Variants in NEK11 observed in about 807,000 individuals in gnomAD.
NEK11 encodes NIMA related kinase 11.
NEK11 carries 72 observed loss-of-function variants against 80.7 expected under a neutral mutation model. The ratio of observed to expected loss-of-function variants is 0.89; its 90% CI spans 0.74 to 1.08. The LOEUF (loss-of-function observed/expected upper bound fraction) is 1.08, where lower values mean the gene tolerates loss of function less well. Among genes scored for constraint, NEK11 ranks in the 50% least tolerant of loss-of-function variants. The pLI, the probability that NEK11 is intolerant of heterozygous loss-of-function variation, is 0.00. For synonymous variants in NEK11, 251 were observed against 260.7 expected (o/e 0.96, Z 0.36); for missense variants, 764 against 763.6 (o/e 1.00, Z -0.01).
chr3:131,060,021 G>A (rs75244933), intron 3 of NEK11, among the ~76,000 whole-genome samples: 2,011 of 152,310 alleles, frequency 0.013, 39 homozygotes, highest in African/African-American at 0.045. Flanking sequence ...AGTGATAGCA[G>A]AGCATTAATC....
intron 6 of NEK11, among the ~76,000 whole-genome samples, 171 bp downstream of exon 6, chr3:131,132,980 G>A (rs2084805959): frequency 1.3e-5 from 2 of 151,852 alleles, no homozygotes; most frequent in African/African-American, 4.8e-5. Context: ...AAATTTCTCA[G>A]GTTTCTAGAT....
At chr3:131,171,495 G>A (rs949048123) in intron 14 of NEK11, among the ~76,000 whole-genome samples, 1 of 152,142 alleles carries the variant, frequency 6.6e-6, no homozygotes. Context: ...ACATGCAAAT[G>A]GAGTAGGTAC....
chr3:131,155,189 T>TCTATTAGC, intron 10 of NEK11, 68 bp downstream of exon 10: 1 of 1,032,346 alleles, frequency 9.7e-7, no homozygotes. Flanking sequence ...TCTTTAAAAA[T>TCTATTAGC]CTATTAGCAC....
intron 14 of NEK11, chr3:131,174,700 C>T: frequency 6.6e-7 from 1 of 1,513,472 alleles, no homozygotes; most frequent in East Asian, 2.3e-5. Flanking sequence ...CTAATGATAT[C>T]TTGCACATTA....
chr3:131,262,165 A>C lies in NEK11; in HGVS notation c.1622-11313A>C, dbSNP rs535569605. Among the ~76,000 whole-genome samples the C allele has an allele frequency of 1.6e-4, 25 of 152,338 alleles. 1 individual carries two copies. In the South Asian group the frequency reaches 4.6e-3, roughly 28 times the overall value. The stretch of plus-strand genomic sequence containing the variant: ...ACTACGAACAACAGTATACCAACAA[A>C]TCAGATAAATTAGATGAAATGGACA... On this transcript the variant is annotated intron_variant, in intron 16 of 17. Coordinates refer to ENST00000383366, the MANE Select transcript of NEK11 (RefSeq NM_024800.5).
At chr3:131,138,194 G>T (rs570364070) in intron 7 of NEK11, among the ~76,000 whole-genome samples, 1 of 152,306 alleles carries the variant, frequency 6.6e-6, no homozygotes, top group African/African-American at 2.4e-5. Context: ...TGAGGGGTGA[G>T]TTCCAGGCCT....
chr3:131,070,630 G>T (rs1281992343), intron 3 of NEK11, among the ~76,000 whole-genome samples: 3 of 152,048 alleles, frequency 2.0e-5, no homozygotes, highest in Admixed American at 1.3e-4. Context: ...AGTTGTTTTT[G>T]TTTTTTTCTT....
chr3:131,056,240 C>T (rs55957778), intron 3 of NEK11, among the ~76,000 whole-genome samples: 26,386 of 152,012 alleles, frequency 0.17, 2,372 homozygotes, highest in Non-Finnish European at 0.2. Context: ...AATGAATGGG[C>T]GCTATGGAAT....
chr3:131,182,186 A>G (rs1365184956), intron 14 of NEK11, among the ~76,000 whole-genome samples: 2 of 151,828 alleles, frequency 1.3e-5, no homozygotes, highest in Admixed American at 6.6e-5. Flanking sequence ...GCAAGTAACT[A>G]TGGCAGCAAA....
At chr3:131,102,805 T>C (rs2078597460) in intron 4 of NEK11, among the ~76,000 whole-genome samples, 1 of 152,198 alleles carries the variant, frequency 6.6e-6, no homozygotes, top group African/African-American at 2.4e-5. Flanking sequence ...AGGAATACCA[T>C]TGAGTCATAG....
intron 14 of NEK11, among the ~76,000 whole-genome samples, chr3:131,180,682 G>A (rs922942755): frequency 6.6e-6 from 1 of 152,110 alleles, no homozygotes; most frequent in African/African-American, 2.4e-5. Context: ...GTACTTTACA[G>A]AATCAAAGAC....
intron 3 of NEK11, among the ~76,000 whole-genome samples, chr3:131,046,088 A>G (rs1475950941): frequency 6.6e-6 from 1 of 152,152 alleles, no homozygotes; most frequent in Admixed American, 6.6e-5. Flanking sequence ...TAAGTGGAGC[A>G]TTTATGTTAT....
intron 17 of NEK11, among the ~76,000 whole-genome samples, chr3:131,334,059 T>C (rs1304131141): frequency 5.3e-5 from 8 of 152,008 alleles, no homozygotes; most frequent in African/African-American, 1.9e-4. Flanking sequence ...GACAGATCAA[T>C]GAGACAGAAA....
At chr3:131,206,637 C>T (rs1248822019) in intron 14 of NEK11, among the ~76,000 whole-genome samples, 1 of 152,136 alleles carries the variant, frequency 6.6e-6, no homozygotes, top group Non-Finnish European at 1.5e-5. Context: ...ATTACAGGTA[C>T]TGCATCATTC....
chr3:131,288,435 T>C (rs901914378), intron 17 of NEK11, among the ~76,000 whole-genome samples: 24 of 130,534 alleles, frequency 1.8e-4, no homozygotes, highest in Non-Finnish European at 3.8e-4. Flanking sequence ...TTATATGGTA[T>C]GCATTTCTTT....
intron 16 of NEK11, 57 bp from the exon 17 acceptor site, chr3:131,273,421 G>A (rs1184847809): frequency 4.5e-6 from 6 of 1,346,804 alleles, no homozygotes; most frequent in Non-Finnish European, 6.4e-6. Context: ...CTTGAACATC[G>A]CCTTGAAGTT....
In NEK11 at chr3:131,174,673, A is replaced by G. The variant is rs369623515; in HGVS notation, c.1399+3786A>G. ...ATGTTAAAGAAATTATCCCCATTTAACTTCTTATATGTAATGCTAATGATA... is the reference window on the plus strand; with the variant it reads ...ATGTTAAAGAAATTATCCCCATTTAGCTTCTTATATGTAATGCTAATGATA... On this transcript the variant is annotated intron_variant, in intron 14 of 17. Coordinates refer to ENST00000383366, the MANE Select transcript of NEK11 (RefSeq NM_024800.5). 174 of 1,318,914 alleles carry G rather than the reference A, an allele frequency of 1.3e-4. 1 individual carries two copies. In the African/African-American group the frequency reaches 2.4e-3, roughly 19 times the overall value. The allele number at this position is 1,318,914 out of a possible 1,614,324, so 81.7% of individuals were successfully genotyped here.
intron 5 of NEK11, among the ~76,000 whole-genome samples, chr3:131,110,504 A>G (rs1339277806): frequency 6.6e-6 from 1 of 152,212 alleles, no homozygotes; most frequent in Non-Finnish European, 1.5e-5. Context: ...CTCTGCCTCA[A>G]AAATGTATTT....
intron 3 of NEK11, among the ~76,000 whole-genome samples, chr3:131,040,244 G>A (rs893848108): frequency 8.6e-5 from 13 of 151,860 alleles, no homozygotes; most frequent in Admixed American, 7.9e-4. Flanking sequence ...CCTTTGACAT[G>A]CTATAGAACA....
Sources: allele counts gnomAD v4.1 joint callset (sites outside exome capture counted in the v4.1 genomes callset), GRCh38; gene constraint gnomAD v4.1.1; transcripts MANE v1.5; gene names NCBI Gene and HGNC (gene_info 2026-07-23, HGNC 2026-07-21).